The following GRIK2 variants were observed in gnomAD, a reference collection of about 807,000 sequenced individuals.
GRIK2 encodes glutamate ionotropic receptor kainate type subunit 2.
Under a neutral mutation model 100.3 loss-of-function variants are expected in GRIK2, and 32 were observed. The observed-to-expected ratio is 0.32, with a 90% CI of 0.24 to 0.43. The LOEUF is 0.43. GRIK2 is among the 20% of genes least tolerant of loss of function. The pLI is 1.00. For missense variants in GRIK2, 843 were observed against 1,114.9 expected, an observed-to-expected ratio of 0.76 and a Z score of 3.47; for synonymous variants, 417 against 389.4, an observed-to-expected ratio of 1.07 and a Z score of -0.83.
intron 10 of GRIK2, among the ~76,000 whole-genome samples, chr6:101,825,970 C>T (rs1306507340): frequency 6.6e-6 from 1 of 152,084 alleles, no homozygotes; most frequent in African/African-American, 2.4e-5. Context: ...CAGTATCATG[C>T]TCCACATGCA....
chr6:101,413,280 TGG>T (rs1341507451), intron 2 of GRIK2, among the ~76,000 whole-genome samples: 1 of 151,976 alleles, frequency 6.6e-6, no homozygotes, highest in East Asian at 1.9e-4. Flanking sequence ...CTTTGTGTGT[TGG>T]GGGTGTTATT....
At chr6:101,721,550 A>G (rs1430653211) in intron 7 of GRIK2, among the ~76,000 whole-genome samples, 1 of 152,024 alleles carries the variant, frequency 6.6e-6, no homozygotes, top group African/African-American at 2.4e-5. Flanking sequence ...AATACCCTGC[A>G]GTGCACTCCA....
intron 14 of GRIK2, among the ~76,000 whole-genome samples, chr6:102,011,297 T>G (rs1188180917): frequency 6.6e-6 from 1 of 152,140 alleles, no homozygotes; most frequent in Non-Finnish European, 1.5e-5. Context: ...TAATGATATA[T>G]GATGCTAAAA....
intron 7 of GRIK2, among the ~76,000 whole-genome samples, chr6:101,762,088 CTTCCTTCCT>C (rs1777744259): frequency 7.8e-6 from 1 of 128,348 alleles, no homozygotes; most frequent in Non-Finnish European, 1.6e-5. Flanking sequence ...CCTTCCTTTC[CTTCCTTCCT>C]CCCTTCCTTT....
intron 7 of GRIK2, among the ~76,000 whole-genome samples, chr6:101,717,271 C>A (rs879635056): frequency 6.6e-6 from 1 of 151,726 alleles, no homozygotes; most frequent in African/African-American, 2.4e-5. Context: ...TAATGACTGA[C>A]AAACCTTCAG....
chr6:101,873,231 G>A (rs943976834), intron 11 of GRIK2, among the ~76,000 whole-genome samples: 12 of 147,920 alleles, frequency 8.1e-5, no homozygotes, highest in African/African-American at 3.0e-4. Flanking sequence ...ATCTCCTAAT[G>A]CTATCCCTCC....
At chr6:101,934,596 A>G (rs2128473647) in intron 14 of GRIK2, among the ~76,000 whole-genome samples, 1 of 152,048 alleles carries the variant, frequency 6.6e-6, no homozygotes, top group East Asian at 1.9e-4. Context: ...GAGAGATAAA[A>G]TGTAAAAAGT....
At chr6:101,808,309 T>A (rs1265385614) in intron 9 of GRIK2, among the ~76,000 whole-genome samples, 1 of 152,076 alleles carries the variant, frequency 6.6e-6, no homozygotes, top group Non-Finnish European at 1.5e-5. Context: ...ATGAGCTACC[T>A]AGAAGCCATT....
chr6:101,838,881 G>T lies in GRIK2; in HGVS notation c.1317+20398G>T, dbSNP rs186731497. Among the ~76,000 whole-genome samples the T allele has an allele frequency of 8.5e-5, 13 of 152,132 alleles. No homozygotes were observed. In the East Asian group the frequency reaches 2.5e-3, roughly 29 times the overall value. On this transcript the variant is annotated intron_variant, in intron 10 of 16. Coordinates refer to ENST00000369134, the MANE Select transcript of GRIK2 (RefSeq NM_021956.5). ...TTGGCCAGGCTGGTCTCAAACTCTT[G>T]ACCTCAGGTGAACCACCTACGTTGG...
intron 10 of GRIK2, among the ~76,000 whole-genome samples, chr6:101,850,089 G>A (rs556997271): frequency 6.6e-6 from 1 of 151,954 alleles, no homozygotes; most frequent in African/African-American, 2.4e-5. Context: ...TCTAAAACAA[G>A]ACACATGTCC....
chr6:101,453,344 T>C (rs1451732043), intron 2 of GRIK2, among the ~76,000 whole-genome samples: 1 of 151,956 alleles, frequency 6.6e-6, no homozygotes. Context: ...CCAGCCTATA[T>C]TATCTGCTTT....
chr6:102,007,911 T>A (rs1446125628), intron 14 of GRIK2, among the ~76,000 whole-genome samples: 1 of 151,998 alleles, frequency 6.6e-6, no homozygotes, highest in African/African-American at 2.4e-5. Context: ...GAAGTATAAG[T>A]AAGGGAAAGG....
chr6:101,602,054 G>GT (rs1289658970), intron 2 of GRIK2, among the ~76,000 whole-genome samples: 1 of 151,640 alleles, frequency 6.6e-6, no homozygotes, highest in African/African-American at 2.4e-5. Flanking sequence ...TGAGGTAGGT[G>GT]TTTAGCACCA....
intron 10 of GRIK2, among the ~76,000 whole-genome samples, chr6:101,828,991 A>G (rs1179167127): frequency 1.3e-5 from 2 of 152,062 alleles, no homozygotes; most frequent in African/African-American, 4.8e-5. Context: ...ATTCTTGATG[A>G]ACATAGACAC....
chr6:101,656,127 A>AC (rs1157714232), intron 4 of GRIK2, among the ~76,000 whole-genome samples: 1 of 151,870 alleles, frequency 6.6e-6, no homozygotes, highest in Non-Finnish European at 1.5e-5. Flanking sequence ...AAATGGGGAG[A>AC]CCCCATCTCT....
intron 7 of GRIK2, among the ~76,000 whole-genome samples, chr6:101,765,789 A>G (rs886375244): frequency 5.3e-5 from 8 of 152,178 alleles, no homozygotes; most frequent in Non-Finnish European, 8.8e-5. Flanking sequence ...ATTTTAAAGT[A>G]GGGTTTCATC....
chr6:101,746,019 TCAC>T (rs1776399831), intron 7 of GRIK2, among the ~76,000 whole-genome samples: 2 of 152,326 alleles, frequency 1.3e-5, no homozygotes, highest in Admixed American at 1.3e-4. Flanking sequence ...CATTCCAACT[TCAC>T]CACGAGTTTT....
At chr6:101,804,620 A>G (rs1366373112) in intron 9 of GRIK2, among the ~76,000 whole-genome samples, 2 of 151,982 alleles carry the variant, frequency 1.3e-5, no homozygotes, top group East Asian at 3.9e-4. Flanking sequence ...CCAGGGATAA[A>G]AGCATAACTC....
At chr6:102,029,403 A>G (rs1769868627) in intron 14 of GRIK2, among the ~76,000 whole-genome samples, 1 of 151,238 alleles carries the variant, frequency 6.6e-6, no homozygotes, top group Non-Finnish European at 1.5e-5. Flanking sequence ...GTCAATTTGC[A>G]TACAACTTTC....
Sources: allele counts gnomAD v4.1 joint callset (sites outside exome capture counted in the v4.1 genomes callset), GRCh38; gene constraint gnomAD v4.1.1; transcripts MANE v1.5; gene names NCBI Gene and HGNC (gene_info 2026-07-23, HGNC 2026-07-21).